STPG2: variants seen among roughly 807,000 people sequenced by gnomAD.
STPG2 encodes the protein sperm tail PG-rich repeat containing 2.
In STPG2, 56 loss-of-function variants were observed where a neutral mutation model predicts 54.2. The observed-to-expected ratio is 1.03, with a 90% CI of 0.83 to 1.29. STPG2 has a LOEUF of 1.29. Among genes scored for constraint, STPG2 ranks in the 50% most tolerant of loss-of-function variants. STPG2 has a pLI of 0.00. For missense variants in STPG2, 596 were observed against 544.9 expected, an observed-to-expected ratio of 1.09 and a Z score of -0.93; for synonymous variants, 200 against 181.8, an observed-to-expected ratio of 1.10 and a Z score of -0.81.
rs1175634071 is a variant in STPG2 at position 97,742,744 on chromosome 4, TG to T, written c.1205-29931del. ...AAAAACAAAAACAGAGTAAAACAGTTGGTAACCTGAGATATGGGTACAGATG... is the reference window on the plus strand; with the variant it reads ...AAAAACAAAAACAGAGTAAAACAGTTGTAACCTGAGATATGGGTACAGATG... On this transcript the variant is annotated intron_variant, in intron 9 of 10. Transcript: ENST00000295268. 3.2e-5 allele frequency among the ~76,000 whole-genome samples: 4 copies of T among 125,050 alleles called. No individual in the cohort carries two copies. In the East Asian group the frequency reaches 9.3e-4, roughly 29 times the overall value. 82.0% of individuals were successfully genotyped at this position (125,050 alleles called of 152,430 possible). A position where few individuals can be genotyped will look rare whatever the true frequency, so the allele number is the denominator to read the frequency against.
chr4:98,131,366 T>A (rs1739993076), intron 2 of STPG2, among the ~76,000 whole-genome samples: 1 of 152,224 alleles, frequency 6.6e-6, no homozygotes, highest in East Asian at 1.9e-4. Context: ...TTCTATGTAT[T>A]ACCAACATCT....
rs549740552 is a variant in STPG2, at chr4:97,851,142, G to T, written c.1045-10210C>A. 3.9e-5 allele frequency among the ~76,000 whole-genome samples: 6 copies of T among 152,176 alleles called. No individual in the cohort carries two copies. In the South Asian group the frequency reaches 1.0e-3, roughly 26 times the overall value. On this transcript the variant is annotated intron_variant, in intron 8 of 10. Coordinates refer to ENST00000295268, the MANE Select transcript of STPG2 (RefSeq NM_174952.3). ...TAAGTTTGTAGCAGTTATTACATTT[G>T]CAATTAAACAAGTCTCTAATGACGT...
chr4:97,915,930 A>G (rs750876228), intron 8 of STPG2, among the ~76,000 whole-genome samples: 21 of 152,272 alleles, frequency 1.4e-4, no homozygotes, highest in African/African-American at 5.1e-4. Flanking sequence ...TAAAGGTAGG[A>G]AAAGCAGTTA....
At chr4:97,523,348 C>T (rs1029296496) in intron 4 of STPG2, among the ~76,000 whole-genome samples, 1 of 151,778 alleles carries the variant, frequency 6.6e-6, no homozygotes, top group African/African-American at 2.4e-5. Flanking sequence ...ATCTGCACAT[C>T]CTAGGGTAGT....
At chr4:97,825,410 C>T (rs984658041) in intron 9 of STPG2, among the ~76,000 whole-genome samples, 2 of 152,146 alleles carry the variant, frequency 1.3e-5, no homozygotes, top group Admixed American at 6.6e-5. Context: ...ATCAGAGAAG[C>T]ATGCTCTTCG....
At chr4:97,942,431 A>G (rs1211137952) in intron 8 of STPG2, among the ~76,000 whole-genome samples, 1 of 152,096 alleles carries the variant, frequency 6.6e-6, no homozygotes, top group Non-Finnish European at 1.5e-5. Flanking sequence ...AAACAGCACT[A>G]TTAGTTAAAA....
At chr4:97,908,785 T>A (rs1362641747) in intron 8 of STPG2, among the ~76,000 whole-genome samples, 2 of 148,600 alleles carry the variant, frequency 1.3e-5, no homozygotes, top group Non-Finnish European at 3.0e-5. Context: ...AAACACCGCA[T>A]ATTCTCACTC....
chr4:98,134,517 A>G, intron 1 of STPG2, 58 bp from the exon 2 acceptor site: 1 of 963,676 alleles, frequency 1.0e-6, no homozygotes, highest in Non-Finnish European at 1.5e-6. Flanking sequence ...GATTTCAGAG[A>G]AAAACGCTCA....
Position 98,128,602 on chromosome 4 carries a change from A to G in STPG2, c.223-10T>C, listed in dbSNP as rs1739898960. On this transcript the variant is annotated splice_polypyrimidine_tract_variant and intron_variant, in intron 2 of 10. Transcript: ENST00000295268. Reference sequence around the variant, plus strand: ...GTGATCTTGAAATTTTCTGCAAGGAAAACATTTTATATTATTTATTCCAAG... The same window carrying G: ...GTGATCTTGAAATTTTCTGCAAGGAGAACATTTTATATTATTTATTCCAAG... 6.4e-7 allele frequency: 1 copy of G among 1,568,954 alleles called. No homozygotes were observed. Among genetic ancestry groups the G allele is most frequent in the Admixed American group, 1.9e-5 (1 of 51,756 alleles).
chr4:98,130,648 C>T (rs112020214), intron 2 of STPG2, among the ~76,000 whole-genome samples: 4 of 152,040 alleles, frequency 2.6e-5, no homozygotes, highest in African/African-American at 9.6e-5. Flanking sequence ...ATAGGCCAGG[C>T]GCAGTGGCTC....
Position 97,798,349 on chromosome 4 carries a change from C to T in STPG2, c.1204+42424G>A, listed in dbSNP as rs572409156. Among the ~76,000 whole-genome samples the T allele has an allele frequency of 4.9e-4, 75 of 152,080 alleles. No individual in the cohort carries two copies. In the East Asian group the frequency reaches 7.2e-3, roughly 15 times the overall value. On this transcript the variant is annotated intron_variant, in intron 9 of 10. Coordinates refer to ENST00000295268, the MANE Select transcript of STPG2 (RefSeq NM_174952.3). ...CTATAAATTTCCCTCTACCCACTGC[C>T]TTAAATGTGTCCCAGAGATTCTGGT...
At chr4:98,020,679 A>C (rs915281100) in intron 5 of STPG2, among the ~76,000 whole-genome samples, 18 of 152,190 alleles carry the variant, frequency 1.2e-4, no homozygotes, top group African/African-American at 4.3e-4. Context: ...GCTACTGATT[A>C]TTCCCACAAT....
intron 10 of STPG2, among the ~76,000 whole-genome samples, chr4:97,592,534 G>A (rs1733172514): frequency 6.6e-6 from 1 of 152,068 alleles, no homozygotes; most frequent in South Asian, 2.1e-4. Context: ...AACTCAGGCA[G>A]ATTCAAAACA....
chr4:97,775,943 G>C (rs187895596), intron 9 of STPG2, among the ~76,000 whole-genome samples: 52 of 152,118 alleles, frequency 3.4e-4, no homozygotes, highest in Non-Finnish European at 6.0e-4. Flanking sequence ...TGTATTTTTA[G>C]TAGAGATGGG....
At chr4:97,751,430 T>C (rs1725578122) in intron 9 of STPG2, among the ~76,000 whole-genome samples, 2 of 151,846 alleles carry the variant, frequency 1.3e-5, no homozygotes, top group African/African-American at 4.8e-5. Context: ...CTTAAAGTTA[T>C]GGTGACATGC....
chr4:97,455,223 G>A (rs1335941359), intron 4 of STPG2, among the ~76,000 whole-genome samples: 3 of 152,150 alleles, frequency 2.0e-5, no homozygotes, highest in African/African-American at 7.2e-5. Flanking sequence ...GTGGGGCAGG[G>A]AAGTGCTGGG....
At chr4:97,801,865 A>C (rs1182452293) in intron 9 of STPG2, among the ~76,000 whole-genome samples, 1 of 152,152 alleles carries the variant, frequency 6.6e-6, no homozygotes, top group Non-Finnish European at 1.5e-5. Context: ...AACTGAACAG[A>C]TGTTTCAAAC....
At chr4:97,905,919 G>T (rs1731396299) in intron 8 of STPG2, among the ~76,000 whole-genome samples, 2 of 152,086 alleles carry the variant, frequency 1.3e-5, no homozygotes, top group Non-Finnish European at 2.9e-5. Flanking sequence ...AAGCAGGAAA[G>T]ATCCAAAATT....
intron 5 of STPG2, among the ~76,000 whole-genome samples, chr4:98,067,372 A>G (rs571869730): frequency 6.6e-6 from 1 of 152,324 alleles, no homozygotes; most frequent in East Asian, 1.9e-4. Context: ...CTATATATTC[A>G]ATTTTAAAGA....
Sources: allele counts gnomAD v4.1 joint callset (sites outside exome capture counted in the v4.1 genomes callset), GRCh38; gene constraint gnomAD v4.1.1; transcripts MANE v1.5; gene names NCBI Gene and HGNC (gene_info 2026-07-23, HGNC 2026-07-21).